CACNA2D3: variants seen among roughly 807,000 people sequenced by gnomAD.
CACNA2D3 encodes calcium voltage-gated channel auxiliary subunit alpha2delta 3.
In CACNA2D3, 60 loss-of-function variants were observed where a neutral mutation model predicts 160.6. The ratio of observed to expected loss-of-function variants is 0.37; its 90% CI spans 0.30 to 0.46. The LOEUF (loss-of-function observed/expected upper bound fraction) is 0.46, where lower values mean the gene tolerates loss of function less well. Among genes scored for constraint, CACNA2D3 ranks in the 20% least tolerant of loss-of-function variants. The pLI, the probability that CACNA2D3 is intolerant of heterozygous loss-of-function variation, is 1.00. For missense variants in CACNA2D3, 1,205 were observed against 1,365.0 expected (o/e 0.88, Z 1.85); for synonymous variants, 558 against 492.9 (o/e 1.13, Z -1.75).
chr3:54,172,521 G>C (rs1049835892), intron 2 of CACNA2D3, among the ~76,000 whole-genome samples: 1 of 152,186 alleles, frequency 6.6e-6, no homozygotes, highest in Non-Finnish European at 1.5e-5. Context: ...GGGCAAGTGC[G>C]GGCCTAGAAC....
intron 3 of CACNA2D3, among the ~76,000 whole-genome samples, chr3:54,374,404 G>C (rs543138516): frequency 5.3e-5 from 8 of 152,376 alleles, no homozygotes; most frequent in Admixed American, 3.3e-4. Flanking sequence ...GGGCGAGGGA[G>C]TCAAGAGCAT....
intron 4 of CACNA2D3, among the ~76,000 whole-genome samples, chr3:54,453,202 A>T (rs564274122): frequency 7.2e-5 from 11 of 152,160 alleles, no homozygotes; most frequent in Admixed American, 3.9e-4. Context: ...TGTGTTGTCC[A>T]TGCTAGCCTT....
intron 27 of CACNA2D3, among the ~76,000 whole-genome samples, chr3:54,920,652 T>A (rs1467303439): frequency 6.6e-6 from 1 of 152,080 alleles, no homozygotes; most frequent in East Asian, 1.9e-4. Flanking sequence ...TGCCAGGAAG[T>A]TGGTTGCAAG....
At chr3:54,869,167 C>CT in intron 17 of CACNA2D3, among the ~76,000 whole-genome samples, 1 of 152,140 alleles carries the variant, frequency 6.6e-6, no homozygotes, top group Non-Finnish European at 1.5e-5. Flanking sequence ...AGCTTGTAGT[C>CT]TTTTTTCAAA....
At chr3:54,679,141 C>T (rs111780064) in intron 11 of CACNA2D3, among the ~76,000 whole-genome samples, 49 of 152,296 alleles carry the variant, frequency 3.2e-4, no homozygotes, top group African/African-American at 1.0e-3. Context: ...CCTTCCTCTG[C>T]GGTCCCATTG....
intron 2 of CACNA2D3, among the ~76,000 whole-genome samples, chr3:54,264,181 T>C (rs577569517): frequency 7.2e-5 from 11 of 152,178 alleles, no homozygotes; most frequent in Non-Finnish European, 1.6e-4. Context: ...GTGGGTGGTG[T>C]CCTCGGCTGA....
chr3:54,876,509 G>A (rs182069069), intron 18 of CACNA2D3, among the ~76,000 whole-genome samples: 3 of 152,316 alleles, frequency 2.0e-5, no homozygotes, highest in Non-Finnish European at 2.9e-5. Context: ...AGACTATGAC[G>A]TGGTCAATTG....
chr3:54,455,366 G>T (rs1173768813), intron 4 of CACNA2D3, among the ~76,000 whole-genome samples: 2 of 151,950 alleles, frequency 1.3e-5, no homozygotes, highest in African/African-American at 2.4e-5. Flanking sequence ...AACATATTTG[G>T]ACATTTGTAT....
intron 35 of CACNA2D3, among the ~76,000 whole-genome samples, chr3:55,061,334 C>T (rs1704500470): frequency 6.6e-6 from 1 of 152,228 alleles, no homozygotes. Context: ...CCTATACCAG[C>T]TTGGTTCTTG....
intron 13 of CACNA2D3, among the ~76,000 whole-genome samples, chr3:54,793,607 C>T (rs560199669): frequency 6.6e-6 from 1 of 152,324 alleles, no homozygotes; most frequent in South Asian, 2.1e-4. Context: ...AAGCCTCTTA[C>T]AGCCCTCGCC....
chr3:55,004,312 C>T (rs1055982194), intron 31 of CACNA2D3, among the ~76,000 whole-genome samples: 5 of 152,178 alleles, frequency 3.3e-5, no homozygotes, highest in Non-Finnish European at 5.9e-5. Flanking sequence ...AACCTGTTTC[C>T]TGGTGCTTAA....
chr3:54,403,397 A>ACACG (rs1420912004), intron 4 of CACNA2D3, among the ~76,000 whole-genome samples: 1 of 147,238 alleles, frequency 6.8e-6, no homozygotes, highest in African/African-American at 2.5e-5. Context: ...ACACACACAC[A>ACACG]CGCACACACA....
At position 54,262,926 on chromosome 3, in the gene CACNA2D3, A is replaced by T. The variant is rs367581600; in HGVS notation, c.205-57516A>T. 4.6e-5 allele frequency among the ~76,000 whole-genome samples: 7 copies of T among 152,206 alleles called. No homozygotes were observed. The South Asian group carries it at 1.4e-3, about 32-fold the overall frequency. On this transcript the variant is annotated intron_variant, in intron 2 of 37. Transcript: ENST00000474759. ...TTACTAATTATTTAAGTAAATCAGG[A>T]ATCTGCTTGCTTATAATTAGAACAT... is the stretch of plus-strand genomic sequence containing the variant.
intron 34 of CACNA2D3, among the ~76,000 whole-genome samples, chr3:55,014,556 C>A (rs1038118801): frequency 6.6e-6 from 1 of 152,064 alleles, no homozygotes; most frequent in African/African-American, 2.4e-5. Flanking sequence ...TGGTGCAACC[C>A]CCATCTCTAC....
intron 9 of CACNA2D3, among the ~76,000 whole-genome samples, chr3:54,618,326 A>G (rs1262469384): frequency 6.9e-6 from 1 of 145,220 alleles, no homozygotes; most frequent in African/African-American, 2.5e-5. Flanking sequence ...GGGACTGGTC[A>G]AAGTTCAAAT....
At chr3:54,850,286 G>A (rs532087478) in intron 17 of CACNA2D3, among the ~76,000 whole-genome samples, 76 of 152,266 alleles carry the variant, frequency 5.0e-4, no homozygotes, top group Non-Finnish European at 7.4e-4. Context: ...AGCACAAGTG[G>A]GGACAGACAC....
At chr3:54,527,602 C>T (rs981900447) in intron 5 of CACNA2D3, among the ~76,000 whole-genome samples, 1 of 152,132 alleles carries the variant, frequency 6.6e-6, no homozygotes, top group Non-Finnish European at 1.5e-5. Context: ...ATAAAGACTT[C>T]GAGTGCAGAT....
intron 2 of CACNA2D3, among the ~76,000 whole-genome samples, chr3:54,317,832 C>T (rs1703900911): frequency 1.3e-5 from 2 of 152,216 alleles, no homozygotes; most frequent in Admixed American, 6.5e-5. Context: ...AACCACCGCA[C>T]CTGGCCCCAA....
At chr3:54,245,709 C>T (rs977820710) in intron 2 of CACNA2D3, among the ~76,000 whole-genome samples, 5 of 152,160 alleles carry the variant, frequency 3.3e-5, no homozygotes, top group Non-Finnish European at 7.3e-5. Context: ...ACACGATCTC[C>T]CCCAGTCTCT....
Sources: gnomAD v4.1 joint callset for allele counts (sites outside exome capture counted in the v4.1 genomes callset) on GRCh38, gnomAD v4.1.1 for gene constraint, MANE v1.5 for transcripts, NCBI Gene and HGNC (gene_info 2026-07-23, HGNC 2026-07-21) for gene names.